ROBO2: variants seen among roughly 807,000 people sequenced by gnomAD.
The protein encoded by ROBO2 is roundabout homolog 2.
ROBO2 carries 53 observed loss-of-function variants against 160.8 expected under a neutral mutation model. The ratio of observed to expected loss-of-function variants is 0.33; its 90% CI spans 0.26 to 0.41. ROBO2 has a LOEUF of 0.41. ROBO2 is among the 10% of genes least tolerant of loss of function. The pLI, the probability that ROBO2 is intolerant of heterozygous loss-of-function variation, is 1.00. For synonymous variants in ROBO2, 664 were observed against 611.7 expected (o/e 1.09, Z -1.26); for missense variants, 1,577 against 1,722.4 (o/e 0.92, Z 1.49).
intron 2 of ROBO2, among the ~76,000 whole-genome samples, chr3:76,120,818 A>C (rs567339325): frequency 6.6e-6 from 1 of 152,294 alleles, no homozygotes; most frequent in South Asian, 2.1e-4. Context: ...AAACTTCTAT[A>C]AAAATTCTCC....
At chr3:76,062,947 T>A (rs1349235034) in intron 2 of ROBO2, among the ~76,000 whole-genome samples, 2 of 152,210 alleles carry the variant, frequency 1.3e-5, no homozygotes, top group East Asian at 3.9e-4. Flanking sequence ...CTAATATTTG[T>A]CTATGTCATA....
chr3:76,423,739 G>A (rs911339198), intron 2 of ROBO2, among the ~76,000 whole-genome samples: 2 of 152,240 alleles, frequency 1.3e-5, no homozygotes, highest in South Asian at 2.1e-4. Context: ...AAAGTCCACC[G>A]GATGACAGGT....
chr3:77,346,321 A>G (rs1282336805), intron 2 of ROBO2, among the ~76,000 whole-genome samples: 1 of 152,196 alleles, frequency 6.6e-6, no homozygotes, highest in African/African-American at 2.4e-5. Context: ...GTGATTATAA[A>G]TACAGCTATG....
intron 2 of ROBO2, among the ~76,000 whole-genome samples, chr3:76,079,521 T>C (rs1386794370): frequency 1.3e-5 from 2 of 149,662 alleles, no homozygotes; most frequent in Non-Finnish European, 3.0e-5. Flanking sequence ...TCTCGCTCTG[T>C]CGCCCAAGCT....
At chr3:77,273,100 C>T (rs532619493) in intron 2 of ROBO2, among the ~76,000 whole-genome samples, 45 of 152,210 alleles carry the variant, frequency 3.0e-4, no homozygotes, top group African/African-American at 1.0e-3. Context: ...TTTTTCAGAC[C>T]GTTTCCCTTC....
chr3:76,523,073 T>A (rs1222387559), intron 2 of ROBO2, among the ~76,000 whole-genome samples: 1 of 150,160 alleles, frequency 6.7e-6, no homozygotes, highest in African/African-American at 2.4e-5. Flanking sequence ...CTACAGCTAG[T>A]ACTGCAAGTG....
At chr3:77,471,688 G>A (rs1240280981) in intron 2 of ROBO2, among the ~76,000 whole-genome samples, 4 of 152,202 alleles carry the variant, frequency 2.6e-5, no homozygotes, top group Non-Finnish European at 5.9e-5. Context: ...TATTTACTAT[G>A]CACACATGTG....
chr3:76,105,046 G>C (rs1449841227), intron 2 of ROBO2, among the ~76,000 whole-genome samples: 5 of 152,096 alleles, frequency 3.3e-5, no homozygotes, highest in African/African-American at 1.2e-4. Context: ...AAAAGCAAGA[G>C]ACCTAGCCTT....
rs548803461 is a variant in ROBO2, at chr3:76,228,016, G to A, written c.109+290414G>A. Among the ~76,000 whole-genome samples the A allele has an allele frequency of 3.2e-4, 49 of 152,188 alleles. 1 individual carries two copies. The highest frequency in any genetic ancestry group is 1.2e-3 in the African/African-American group (48 of 41,538). On this transcript the variant is annotated intron_variant, in intron 2 of 26. Transcript: ENST00000487694. ...GTTATATTTGCTATTTTCCTTTAAA[G>A]TATTGACTAAGAATCTTACATAATG...
At chr3:76,016,284 C>T (rs1382390877) in intron 2 of ROBO2, among the ~76,000 whole-genome samples, 4 of 151,894 alleles carry the variant, frequency 2.6e-5, no homozygotes, top group Admixed American at 1.3e-4. Context: ...CAACTTTATC[C>T]TTCAGTAAAA....
Position 76,970,953 on chromosome 3 carries a change from T to C in ROBO2, c.110-127061T>C, listed in dbSNP as rs550220277. 4.6e-5 allele frequency among the ~76,000 whole-genome samples: 7 copies of C among 152,282 alleles called. No homozygotes were observed. In the South Asian group the frequency reaches 1.4e-3, roughly 32 times the overall value. On this transcript the variant is annotated intron_variant, in intron 2 of 26. Transcript: ENST00000487694. ...CATCTTATGAGCAAGTAAAATTGAGTTGGATAAGAACTAAGGAGCTTCGAT... is the reference window on the plus strand; with the variant it reads ...CATCTTATGAGCAAGTAAAATTGAGCTGGATAAGAACTAAGGAGCTTCGAT...
intron 1 of ROBO2, among the ~76,000 whole-genome samples, chr3:77,085,692 A>G (rs1406815876): frequency 1.3e-5 from 2 of 152,242 alleles, no homozygotes; most frequent in East Asian, 3.9e-4. Flanking sequence ...GATTATGGCC[A>G]TTTCCACCAT....
chr3:77,465,385 G>A (rs2082667807), intron 2 of ROBO2, among the ~76,000 whole-genome samples: 1 of 152,142 alleles, frequency 6.6e-6, no homozygotes, highest in Non-Finnish European at 1.5e-5. Flanking sequence ...TCTCTGCACA[G>A]AAAGGAAATG....
At chr3:77,083,087 C>T (rs748013458) in intron 1 of ROBO2, among the ~76,000 whole-genome samples, 5 of 151,990 alleles carry the variant, frequency 3.3e-5, no homozygotes, top group Non-Finnish European at 5.9e-5. Flanking sequence ...CTCATTTCTC[C>T]CCCTGCAGTC....
At chr3:77,089,877 A>G (rs2069888394) in intron 1 of ROBO2, among the ~76,000 whole-genome samples, 1 of 152,198 alleles carries the variant, frequency 6.6e-6, no homozygotes, top group Non-Finnish European at 1.5e-5. Context: ...AAAAGTTGTT[A>G]TGGACAGACT....
intron 2 of ROBO2, among the ~76,000 whole-genome samples, chr3:76,931,704 CAG>C (rs755747214): frequency 5.9e-5 from 9 of 151,892 alleles, no homozygotes; most frequent in Non-Finnish European, 1.0e-4. Flanking sequence ...AAATTTGAGA[CAG>C]AGTCTCACTC....
intron 2 of ROBO2, among the ~76,000 whole-genome samples, chr3:76,319,239 G>A (rs894674530): frequency 6.6e-6 from 1 of 151,954 alleles, no homozygotes; most frequent in African/African-American, 2.4e-5. Context: ...TAAAATCAAA[G>A]TTCCAAAGTC....
chr3:76,248,380 C>G (rs1337796352), intron 2 of ROBO2, among the ~76,000 whole-genome samples: 12 of 151,368 alleles, frequency 7.9e-5, no homozygotes, highest in South Asian at 4.2e-4. Flanking sequence ...TCTCAGTAAA[C>G]TATCGCAAGA....
chr3:76,925,225 A>AT lies in ROBO2; in HGVS notation c.110-172789_110-172788insT, dbSNP rs796225201. Among the ~76,000 whole-genome samples the AT allele has an allele frequency of 6.2e-3, 917 of 148,640 alleles. 12 individuals carry two copies. Among genetic ancestry groups the AT allele is most frequent in the African/African-American group, 0.022 (849 of 38,470 alleles). Reference sequence around the variant, plus strand: ...GACTCCGTCTCAAAAAAAAAAAAAAAAAAAAATCTGGTTTGCTTTTCTAAA... The same window carrying AT: ...GACTCCGTCTCAAAAAAAAAAAAAAATAAAAAATCTGGTTTGCTTTTCTAAA... On this transcript the variant is annotated intron_variant, in intron 2 of 26. Transcript: ENST00000487694.
Sources: allele counts gnomAD v4.1 joint callset (sites outside exome capture counted in the v4.1 genomes callset), GRCh38; gene constraint gnomAD v4.1.1; transcripts MANE v1.5; gene names NCBI Gene and HGNC (gene_info 2026-07-23, HGNC 2026-07-21).